Variants in RGS3 observed in about 807,000 individuals in gnomAD.
RGS3 encodes the protein regulator of G protein signaling 3, also known as regulator of G-protein signalling 3.
A neutral mutation model predicts 132.6 loss-of-function variants in RGS3; 80 were observed. That is an observed-to-expected ratio of 0.60 (90% CI 0.50 to 0.73). The LOEUF is 0.73. RGS3 is among the 30% of genes least tolerant of loss of function. The pLI, the probability that RGS3 is intolerant of heterozygous loss-of-function variation, is 0.00. For missense variants in RGS3, 1,382 were observed against 1,530.8 expected (o/e 0.90, Z 1.62); for synonymous variants, 598 against 620.6 (o/e 0.96, Z 0.54).
intron 3 of RGS3, among the ~76,000 whole-genome samples, chr9:113,473,851 A>G (rs1829910990): frequency 1.3e-5 from 2 of 152,188 alleles, no homozygotes; most frequent in South Asian, 4.1e-4. Context: ...TGTTCTCTCC[A>G]TGTGTGTGCC....
chr9:113,489,716 G>T (rs1392741328), intron 7 of RGS3, among the ~76,000 whole-genome samples: 1 of 148,852 alleles, frequency 6.7e-6, no homozygotes, highest in Non-Finnish European at 1.5e-5. Context: ...TTTTTGTAGA[G>T]ACGATGCCTT....
intron 21 of RGS3, chr9:113,594,186 CCGCTGCCCAGGA>C (rs1835611320): frequency 6.2e-7 from 1 of 1,612,860 alleles, no homozygotes; most frequent in Non-Finnish European, 8.5e-7. Context: ...CCGTTGCTGC[CCGCTGCCCAGGA>C]CGCGGGGTGG....
chr9:113,530,840 A>G (rs896401646), intron 18 of RGS3, among the ~76,000 whole-genome samples: 2 of 152,170 alleles, frequency 1.3e-5, no homozygotes, highest in African/African-American at 2.4e-5. Context: ...ATGGGTTGCT[A>G]TTTAGAAGAA....
rs111983104 is a variant in RGS3 at position 113,475,109 on chromosome 9, A to G, written c.416-4382A>G. On this transcript the variant is annotated intron_variant, in intron 3 of 24. Coordinates refer to ENST00000350696, the Ensembl canonical transcript of RGS3. Reference sequence around the variant, plus strand: ...GCCTTTTCCAGGCTTTCTGAAGCTCATTCCCATCCAGTATTTTTCCTGCCA... The same window carrying G: ...GCCTTTTCCAGGCTTTCTGAAGCTCGTTCCCATCCAGTATTTTTCCTGCCA... Among the ~76,000 whole-genome samples the G allele has an allele frequency of 6.9e-3, 1,048 of 152,324 alleles. 20 individuals carry two copies. Among genetic ancestry groups the G allele is most frequent in the African/African-American group, 0.024 (1,011 of 41,558 alleles).
At chr9:113,465,259 C>T (rs1829593499) in intron 3 of RGS3, among the ~76,000 whole-genome samples, 2 of 152,004 alleles carry the variant, frequency 1.3e-5, no homozygotes, top group Non-Finnish European at 2.9e-5. Flanking sequence ...TTAGCTGTGT[C>T]CTGATTAAAA....
upstream of RGS3, among the ~76,000 whole-genome samples, chr9:113,456,649 TG>T (rs1053526345): frequency 3.3e-5 from 5 of 151,756 alleles, no homozygotes; most frequent in African/African-American, 7.3e-5. Flanking sequence ...CTAACCAATT[TG>T]TTTTTTTTTT....
chr9:113,506,570 C>G lies in RGS3; in HGVS notation c.1085+77C>G. 7 of 928,286 alleles carry G rather than the reference C, an allele frequency of 7.5e-6. No individual in the cohort carries two copies. Among genetic ancestry groups the G allele is most frequent in the Non-Finnish European group, 1.2e-5 (7 of 587,292 alleles). 57.5% of individuals were successfully genotyped at this position (928,286 alleles called of 1,614,324 possible). On this transcript the variant is annotated intron_variant, in intron 12 of 24. Coordinates refer to ENST00000350696, the Ensembl canonical transcript of RGS3. The surrounding 1 kb of genome is among the most constrained non-coding windows in gnomAD (Gnocchi z 4.7). ...CCCACCCCTGGGCACACTGCCTTGCCTGGCCCAGCTCTTGCTGCTCCCTCT... is the reference window on the plus strand; with the variant it reads ...CCCACCCCTGGGCACACTGCCTTGCGTGGCCCAGCTCTTGCTGCTCCCTCT...
exon 20 of RGS3, chr9:113,584,164 A>G (rs1315216374): frequency 6.2e-7 from 1 of 1,614,238 alleles, no homozygotes; most frequent in Admixed American, 1.7e-5. Flanking sequence ...GCGCAGCAGC[A>G]TGATCGAGAC....
In RGS3 at chr9:113,583,837, C is replaced by T. The variant is rs536877324; in HGVS notation, c.2425C>T (p.Arg809Trp). The T allele has an allele frequency of 2.9e-5, 46 of 1,614,010 alleles. No homozygotes were observed. In the Admixed American group the frequency reaches 6.3e-4, roughly 22 times the overall value. ...CCCTGCCATCCAGGAATCCCCCACC[C>T]GGGACCTTCCACCCTGTCAAGATCT... is the stretch of plus-strand genomic sequence containing the variant. The change falls in exon 20 of 25, where the codon CGG becomes TGG. Residue 809 changes from arginine to tryptophan, a missense_variant. Transcript: ENST00000350696.
rs907377779 is a variant in RGS3 at position 113,463,624 on chromosome 9, A to G, written c.415+1423A>G. The G allele has an allele frequency of 2.9e-4, 302 of 1,059,468 alleles. 3 individuals are homozygous for G. Among genetic ancestry groups the G allele is most frequent in the Non-Finnish European group, 3.5e-4 (286 of 824,758 alleles). 65.6% of individuals were successfully genotyped at this position (1,059,468 alleles called of 1,614,324 possible). A position where few individuals can be genotyped will look rare whatever the true frequency, so the allele number is the denominator to read the frequency against. ...GCCCAGCTCTGCTCCGGCAGGTGGA[A>G]CTCTCCCCATTCAAACCCGCGCGGG... On this transcript the variant is annotated intron_variant, in intron 3 of 24. Transcript: ENST00000350696. This position sits in a 1 kb window ranked among gnomAD's most constrained non-coding sequence, Gnocchi z 4.6.
Position 113,591,440 on chromosome 9 carries a change from C to G in RGS3, c.3080+43C>G. ...CTGGCTTCTGCGCTCCTCTTCCTCC[C>G]TTGCCCCAGGGCTTGTCTCTCCTCT... On this transcript the variant is annotated intron_variant, in intron 21 of 24. Coordinates refer to ENST00000350696, the Ensembl canonical transcript of RGS3. This position sits in a 1 kb window ranked among gnomAD's most constrained non-coding sequence, Gnocchi z 4.4. 6.4e-7 allele frequency: 1 copy of G among 1,569,246 alleles called. No individual in the cohort carries two copies. Among genetic ancestry groups the G allele is most frequent in the South Asian group, 1.1e-5 (1 of 90,148 alleles).
chr9:113,498,882 A>G (rs1424291047), intron 10 of RGS3, among the ~76,000 whole-genome samples: 2 of 140,988 alleles, frequency 1.4e-5, no homozygotes, highest in East Asian at 4.2e-4. Flanking sequence ...ATGCCACTGC[A>G]CTCCAGCCTG....
intron 20 of RGS3, among the ~76,000 whole-genome samples, chr9:113,590,260 A>T (rs1372136430): frequency 6.6e-5 from 10 of 152,150 alleles, no homozygotes; most frequent in Admixed American, 6.5e-4. Flanking sequence ...TAGTATCTGA[A>T]TTATGCCCCA....
At chr9:113,460,669 T>C (rs2119157244) in intron 1 of RGS3, among the ~76,000 whole-genome samples, 1 of 152,314 alleles carries the variant, frequency 6.6e-6, no homozygotes, top group Admixed American at 6.5e-5. Flanking sequence ...CATCGATCTG[T>C]CTTTTCTTTT....
chr9:113,588,217 C>T (rs747069928), intron 20 of RGS3, among the ~76,000 whole-genome samples: 4 of 152,218 alleles, frequency 2.6e-5, no homozygotes, highest in Non-Finnish European at 5.9e-5. Context: ...AGAGATCAGA[C>T]GAGAGGACCC....
exon 15 of RGS3, chr9:113,514,647 T>C (rs746933480): frequency 1.2e-6 from 2 of 1,613,402 alleles, no homozygotes; most frequent in South Asian, 2.2e-5. Context: ...TTCCCTGTCT[T>C]TGTTCAGGTG....
At chr9:113,451,665 T>G (rs1289197047) in intron 1 of RGS3, among the ~76,000 whole-genome samples, 1 of 151,850 alleles carries the variant, frequency 6.6e-6, no homozygotes, top group Non-Finnish European at 1.5e-5. Context: ...TATTACAGGA[T>G]GCAGGGAGCT....
At chr9:113,488,449 C>G (rs1025365394) in intron 7 of RGS3, among the ~76,000 whole-genome samples, 2 of 152,138 alleles carry the variant, frequency 1.3e-5, no homozygotes, top group African/African-American at 4.8e-5. Context: ...ATGCTAAGGA[C>G]CAAGGGTCCG....
upstream of RGS3, among the ~76,000 whole-genome samples, chr9:113,458,175 C>T (rs1023307286): frequency 1.1e-4 from 17 of 152,220 alleles, no homozygotes; most frequent in Non-Finnish European, 2.2e-4. Flanking sequence ...CCTTGGCCTC[C>T]CAAAGTCCTG....
Sources: gnomAD v4.1 joint callset for allele counts (sites outside exome capture counted in the v4.1 genomes callset) on GRCh38, gnomAD v4.1.1 for gene constraint, Gnocchi (gnomAD v3.1) non-coding constraint, MANE v1.5 for transcripts, NCBI Gene and HGNC (gene_info 2026-07-23, HGNC 2026-07-21) for gene names.